Variants in ZXDC observed in about 807,000 individuals in gnomAD.
ZXDC encodes ZXD family zinc finger C.
ZXDC carries 58 observed loss-of-function variants against 63.6 expected under a neutral mutation model. The ratio of observed to expected loss-of-function variants is 0.91; its 90% CI spans 0.74 to 1.13. ZXDC has a LOEUF of 1.13. Ranked by LOEUF, ZXDC falls within the 50% of genes most tolerant of loss-of-function variation. The pLI is 0.00. For synonymous variants in ZXDC, 561 were observed against 496.1 expected, an observed-to-expected ratio of 1.13 and a Z score of -1.74; for missense variants, 1,133 against 1,148.9, an observed-to-expected ratio of 0.99 and a Z score of 0.20.
intron 8 of ZXDC, chr3:126,440,670 C>T (rs375369899): frequency 1.0e-6 from 1 of 985,802 alleles, no homozygotes; most frequent in South Asian, 4.7e-5. Context: ...CTTACCTCTT[C>T]AGAAGCTGGA....
At chr3:126,445,794 A>G (rs1202244906) in intron 7 of ZXDC, among the ~76,000 whole-genome samples, 1 of 152,154 alleles carries the variant, frequency 6.6e-6, no homozygotes, top group African/African-American at 2.4e-5. Flanking sequence ...GTTGTCCCCC[A>G]GGCCTGAGCA....
chr3:126,475,004 G>T lies in ZXDC; in HGVS notation c.862C>A (p.Arg288Ser). The T allele has an allele frequency of 6.3e-7, 1 of 1,595,214 alleles. No homozygotes were observed. The highest frequency in any genetic ancestry group is 1.8e-5 in the Admixed American group (1 of 57,056). Residue 288 changes from arginine (R) to serine (S), a missense_variant, in exon 1 of 10, where the codon CGC becomes AGC. Transcript: ENST00000389709. ...GGGCGCTCGGGCTCGAAGTGGCTGC[G>T]CTGGTGGGAGCTGAGCTTGGCGTGC... Reference protein sequence around the residue: ...PTHAKLSSHQRSHFEPERPYK... With the variant: ...PTHAKLSSHQSSHFEPERPYK...
intron 4 of ZXDC, 92 bp downstream of exon 4, chr3:126,470,803 G>A: frequency 5.2e-6 from 8 of 1,542,250 alleles, no homozygotes; most frequent in African/African-American, 1.4e-5. Context: ...TCTTTAAGCA[G>A]CTAACATTTA....
At chr3:126,462,689 G>A (rs149419317) in intron 5 of ZXDC, among the ~76,000 whole-genome samples, 165 of 152,260 alleles carry the variant, frequency 1.1e-3, no homozygotes, top group African/African-American at 3.4e-3. Context: ...CCTGTGCTCT[G>A]AGGATATTTT....
In ZXDC at chr3:126,438,378, C is replaced by A. The variant is rs1185303106; in HGVS notation, c.2574G>T (p.Gln858His). The A allele has an allele frequency of 2.5e-6, 4 of 1,612,586 alleles. No individual in the cohort carries two copies. In the South Asian group the frequency reaches 4.4e-5, roughly 18 times the overall value. The change falls in exon 10 of 10, where the codon CAG becomes CAT. Residue 858 changes from glutamine to histidine, a missense_variant. Gln to His is a conservative substitution (Grantham distance 24). Coordinates refer to ENST00000389709, the MANE Select transcript of ZXDC (RefSeq NM_025112.5). ...PGSTINLQDL[Q>H] ...CCTGCCCAGGCCGAGGCTGCCGTCA[C>A]TGCAGATCCTGCAGGTTGATAGTGC... is the stretch of plus-strand genomic sequence containing the variant.
chr3:126,444,293 G>T (rs973612297), intron 7 of ZXDC, among the ~76,000 whole-genome samples: 1 of 152,204 alleles, frequency 6.6e-6, no homozygotes, highest in African/African-American at 2.4e-5. Flanking sequence ...AGCGCTTTGG[G>T]AGGCCAAGGC....
At chr3:126,472,732 C>G (rs1935029383) in intron 1 of ZXDC, among the ~76,000 whole-genome samples, 1 of 152,204 alleles carries the variant, frequency 6.6e-6, no homozygotes, top group Admixed American at 6.5e-5. Flanking sequence ...GGATTTTTCA[C>G]CCCTTGGGGG....
At chr3:126,453,722 T>G (rs1377113766) in intron 7 of ZXDC, 1 of 983,402 alleles carries the variant, frequency 1.0e-6, no homozygotes, top group African/African-American at 1.7e-5. Context: ...GCGAAGGAGT[T>G]TCGCTCTTGT....
At chr3:126,452,660 A>AAT (rs1400393332) in intron 7 of ZXDC, 18 of 659,822 alleles carry the variant, frequency 2.7e-5, no homozygotes, top group Admixed American at 1.3e-4. Context: ...TAGTACATTA[A>AAT]ATATATATAT....
chr3:126,461,477 A>C (rs532978313), intron 6 of ZXDC, 58 bp downstream of exon 6: 90 of 1,537,872 alleles, frequency 5.9e-5, no homozygotes, highest in Non-Finnish European at 7.8e-5. Context: ...GAATATCCTC[A>C]AGACCGAGTA....
rs534567263 is a variant in ZXDC, at chr3:126,461,025, C to T, written c.2127+510G>A. The T allele has an allele frequency of 3.5e-5, 34 of 984,020 alleles. No homozygotes were observed. In the South Asian group the frequency reaches 1.3e-3, roughly 38 times the overall value. The allele number at this position is 984,020 out of a possible 1,614,324, so 61.0% of individuals were successfully genotyped here. ...ATAAAGTATATTAACTGTCCAGCCT[C>T]AAAACTGGGGAAGTACTCTTATAAT... On this transcript the variant is annotated intron_variant, in intron 6 of 9. Coordinates refer to ENST00000389709, the MANE Select transcript of ZXDC (RefSeq NM_025112.5).
chr3:126,444,342 C>A (rs940205373), intron 7 of ZXDC, among the ~76,000 whole-genome samples: 1 of 152,260 alleles, frequency 6.6e-6, no homozygotes, highest in Admixed American at 6.5e-5. Flanking sequence ...ACCATCCTGG[C>A]TAACACGGTG....
At chr3:126,451,776 G>C in intron 7 of ZXDC, 2 of 985,366 alleles carry the variant, frequency 2.0e-6, no homozygotes, top group Non-Finnish European at 2.4e-6. Context: ...CTCTCTGTGC[G>C]GACGTGTCTC....
intron 5 of ZXDC, among the ~76,000 whole-genome samples, chr3:126,463,657 C>A (rs1463857421): frequency 6.6e-6 from 1 of 152,076 alleles, no homozygotes; most frequent in Admixed American, 6.5e-5. Flanking sequence ...TGATGTCACG[C>A]TTTCCATAGG....
At position 126,472,233 on chromosome 3, in the gene ZXDC, A is replaced by T; in HGVS notation, c.980T>A (p.Leu327His). The part of the protein sequence containing the change: ...HNRAHFREQE[L>H]FSCSFPGCSK... ...GCACCCAGGAAAGGAGCAGGAAAAG[A>T]GCTCTTGTTCCCTGAAGTGGGCTCG... The change falls in exon 2 of 10, where the codon CTC becomes CAC. Residue 327 changes from leucine to histidine, a missense_variant. By Grantham distance (99) the Leu-to-His change is moderately conservative. Coordinates refer to ENST00000389709, the MANE Select transcript of ZXDC (RefSeq NM_025112.5). The T allele has an allele frequency of 6.2e-7, 1 of 1,613,780 alleles. No individual in the cohort carries two copies. The highest frequency in any genetic ancestry group is 8.5e-7 in the Non-Finnish European group (1 of 1,179,628).
chr3:126,475,254 G>C lies in ZXDC; in HGVS notation c.612C>G (p.Gly204=). ...VHLLTHGGGQ[G]RRPFKCPLEG... ...CCAGTGGGCACTTGAAGGGCCGCCG[G>C]CCCTGACCGCCGCCGTGCGTGAGCA... The change falls in exon 1 of 10, where the codon GGC becomes GGG. Residue 204 remains glycine (G), a synonymous_variant. Coordinates refer to ENST00000389709, the MANE Select transcript of ZXDC (RefSeq NM_025112.5). 6.4e-7 allele frequency: 1 copy of C among 1,556,938 alleles called. No individual in the cohort carries two copies. The highest frequency in any genetic ancestry group is 1.2e-5 in the South Asian group (1 of 84,710).
At chr3:126,453,360 C>T (rs1266893291) in intron 7 of ZXDC, 1 of 985,234 alleles carries the variant, frequency 1.0e-6, no homozygotes, top group Non-Finnish European at 1.2e-6. Flanking sequence ...TGGCCCATAC[C>T]AAAAGTTTTT....
At chr3:126,443,787 C>A (rs1933772386) in intron 7 of ZXDC, among the ~76,000 whole-genome samples, 1 of 152,184 alleles carries the variant, frequency 6.6e-6, no homozygotes, top group South Asian at 2.1e-4. Context: ...AACTTCTAGG[C>A]ATTAACATTT....
intron 7 of ZXDC, chr3:126,451,397 C>T (rs544113870): frequency 1.8e-4 from 174 of 985,352 alleles, no homozygotes; most frequent in Non-Finnish European, 1.9e-4. Context: ...TAAACAGTCC[C>T]GCACTGAGCA....
Sources: gnomAD v4.1 joint callset for allele counts (sites outside exome capture counted in the v4.1 genomes callset) on GRCh38, gnomAD v4.1.1 for gene constraint, MANE v1.5 for transcripts, NCBI Gene and HGNC (gene_info 2026-07-23, HGNC 2026-07-21) for gene names.